KIF1C: variants seen among roughly 807,000 people sequenced by gnomAD.
KIF1C encodes the protein kinesin family member 1C.
KIF1C carries 61 observed loss-of-function variants against 126.5 expected under a neutral mutation model. The observed-to-expected ratio is 0.48, with a 90% CI of 0.39 to 0.60. The LOEUF (loss-of-function observed/expected upper bound fraction) is 0.60. Ranked by LOEUF, KIF1C falls within the 20% of genes least tolerant of loss-of-function variation. The pLI, the probability that KIF1C is intolerant of heterozygous loss-of-function variation, is 0.00. For synonymous variants in KIF1C, 640 were observed against 580.6 expected (o/e 1.10, Z -1.47); for missense variants, 1,315 against 1,489.2 (o/e 0.88, Z 1.93).
At chr17:5,012,918 G>A (rs754020538) in intron 16 of KIF1C, among the ~76,000 whole-genome samples, 4 of 152,112 alleles carry the variant, frequency 2.6e-5, no homozygotes, top group African/African-American at 2.4e-5. Context: ...ACAGAGCAGC[G>A]TAACAATCAC....
intron 18 of KIF1C, among the ~76,000 whole-genome samples, chr17:5,017,462 C>A (rs111681979): frequency 0.034 from 5,199 of 152,032 alleles, 297 homozygotes; most frequent in African/African-American, 0.12. Flanking sequence ...CACCACCACA[C>A]CCGGCTCATT....
At chr17:5,007,202 T>A in intron 14 of KIF1C, 61 bp from the exon 15 acceptor site, 9 of 1,552,810 alleles carry the variant, frequency 5.8e-6, no homozygotes, top group Non-Finnish European at 7.9e-6. Flanking sequence ...GGGTAGGTTG[T>A]CCCTACCCTG....
In KIF1C at chr17:5,004,029, C is replaced by A; in HGVS notation, c.896C>A (p.Pro299His). Residue 299 changes from proline (P) to histidine (H), a missense_variant, in exon 11 of 23, where the codon CCC (proline) becomes CAC (histidine). Around this residue, in one of 2 missense-constraint regions of KIF1C, gnomAD observed 874 missense variants for 1,053.2 expected, o/e 0.83. Coordinates refer to ENST00000320785, the MANE Select transcript of KIF1C (RefSeq NM_006612.6). Reference sequence around the variant, plus strand: ...AAGAAGCGAAAGTCGGATTTTATCCCCTACAGGGACTCTGTGCTCACCTGG... The same window carrying A: ...AAGAAGCGAAAGTCGGATTTTATCCACTACAGGGACTCTGTGCTCACCTGG... ...QSKKRKSDFIPYRDSVLTWLL... is the reference protein window; with the variant it reads ...QSKKRKSDFIHYRDSVLTWLL... 6.2e-7 allele frequency: 1 copy of A among 1,614,016 alleles called. No homozygotes were observed.
chr17:5,002,325 C>T (rs1430019001), intron 6 of KIF1C, 139 bp from the exon 7 acceptor site: 13 of 965,366 alleles, frequency 1.3e-5, no homozygotes, highest in East Asian at 4.8e-5. Flanking sequence ...TTGGGCAGGT[C>T]GCTGAGCTAG....
rs766946486 is a variant in KIF1C, at chr17:5,001,241, C to T, written c.203C>T (p.Ala68Val). 6.2e-7 allele frequency: 1 copy of T among 1,614,120 alleles called. No homozygotes were observed. The change falls in exon 5 of 23, where the codon GCA (alanine) becomes GTA (valine). Residue 68 changes from alanine (A) to valine (V), a missense_variant. Coordinates refer to ENST00000320785, the MANE Select transcript of KIF1C (RefSeq NM_006612.6). ...TCCTAGACGGAGGACCCCCAGTTTG[C>T]ATCTCAGCAGCAAGTGTATCGGGAC... ...SHTSTEDPQFASQQQVYRDIG... is the reference protein window; with the variant it reads ...SHTSTEDPQFVSQQQVYRDIG...
chr17:5,017,412 G>A (rs1365649285), intron 18 of KIF1C, among the ~76,000 whole-genome samples: 1 of 147,830 alleles, frequency 6.8e-6, no homozygotes, highest in East Asian at 2.0e-4. Context: ...CCATTCTCCT[G>A]CCTCAGTCTC....
intron 16 of KIF1C, among the ~76,000 whole-genome samples, chr17:5,010,789 C>T (rs758077639): frequency 2.0e-5 from 3 of 151,862 alleles, no homozygotes; most frequent in Non-Finnish European, 4.4e-5. Context: ...CCAAAGTGCC[C>T]TCTGAAGATT....
rs1014060938 is a variant in KIF1C, at chr17:5,020,913, G to A, written c.2010+35G>A. On this transcript the variant is annotated intron_variant, in intron 21 of 22. Transcript: ENST00000320785. This position sits in a 1 kb window ranked among gnomAD's most constrained non-coding sequence, Gnocchi z 5.8. ...AGCAGGGGCTGGGGATGGGCTGATGGGCAGATGAGCCGCAAGCCTGAGTCC... is the reference window on the plus strand; with the variant it reads ...AGCAGGGGCTGGGGATGGGCTGATGAGCAGATGAGCCGCAAGCCTGAGTCC... 13 of 1,540,890 alleles carry A rather than the reference G, an allele frequency of 8.4e-6. No homozygotes were observed. The highest frequency in any genetic ancestry group is 1.1e-5 in the Non-Finnish European group (13 of 1,135,314).
chr17:5,015,429 A>G (rs1974952365), intron 18 of KIF1C, among the ~76,000 whole-genome samples: 1 of 151,174 alleles, frequency 6.6e-6, no homozygotes, highest in African/African-American at 2.4e-5. Flanking sequence ...GATTACAAGC[A>G]TGTGCCACCA....
At position 5,027,649 on chromosome 17, in the gene KIF1C, A is replaced by G. The variant is rs1341769245; in HGVS notation, c.*3498A>G. The G allele has an allele frequency of 6.6e-6, 1 of 152,154 alleles. No individual in the cohort carries two copies. Among genetic ancestry groups the G allele is most frequent in the Non-Finnish European group, 1.5e-5 (1 of 68,054 alleles). The allele number at this position is 152,154 out of a possible 1,614,324, so 9.4% of individuals were successfully genotyped here. ...AGTTAGGATTCCAACCCAGGTCAAC[A>G]TAACTAAAGCCCAAACCCCATCTCA... On this transcript the variant is annotated 3_prime_UTR_variant, in exon 23 of 23. Transcript: ENST00000320785.
chr17:5,023,931 G>T lies in KIF1C; in HGVS notation c.3092G>T (p.Arg1031Met). The change falls in exon 23 of 23, where the codon AGG becomes ATG. Residue 1031 changes from arginine to methionine, a missense_variant. Around this residue, in one of 2 missense-constraint regions of KIF1C, gnomAD observed 441 missense variants for 436.1 expected, o/e 1.01. Transcript: ENST00000320785. The surrounding 1 kb of genome is among the most constrained non-coding windows in gnomAD (Gnocchi z 4.2). Reference protein sequence around the residue: ...PSPRRSHHPRRNSLDGGGRSR... With the variant: ...PSPRRSHHPRMNSLDGGGRSR... Reference sequence around the variant, plus strand: ...CCCCGAAGGTCCCACCATCCCCGCAGGAACTCCCTGGATGGAGGGGGCCGA... The same window carrying T: ...CCCCGAAGGTCCCACCATCCCCGCATGAACTCCCTGGATGGAGGGGGCCGA... 1 of 1,570,304 alleles carries T rather than the reference G, an allele frequency of 6.4e-7. No homozygotes were observed. Among genetic ancestry groups the T allele is most frequent in the South Asian group, 1.2e-5 (1 of 85,056 alleles).
Position 5,001,407 on chromosome 17 carries a change from C to CCTAGGA in KIF1C, c.363+8_363+13dup, listed in dbSNP as rs1428248601. On this transcript the variant is annotated splice_region_variant and intron_variant, in intron 5 of 22. Coordinates refer to ENST00000320785, the MANE Select transcript of KIF1C (RefSeq NM_006612.6). ...AGCAGGGCATCGTGCCCCAGGTACG[C>CCTAGGA]CTAGGACCTGGTGGGGCAGCCAGGG... 3.1e-6 allele frequency: 5 copies of CCTAGGA among 1,612,702 alleles called. No individual in the cohort carries two copies. In the Admixed American group the frequency reaches 5.0e-5, roughly 16 times the overall value.
At chr17:5,012,590 G>A (rs1336969379) in intron 16 of KIF1C, among the ~76,000 whole-genome samples, 1 of 152,120 alleles carries the variant, frequency 6.6e-6, no homozygotes, top group Admixed American at 6.5e-5. Context: ...TGGGGTTCCA[G>A]CTGGAGAGGT....
chr17:5,004,820 C>G, intron 12 of KIF1C, 35 bp from the exon 13 acceptor site: 1 of 1,613,898 alleles, frequency 6.2e-7, no homozygotes. Flanking sequence ...TCCCCTGCCC[C>G]CAGGCCTCAC....
At chr17:5,005,047 C>G (rs768033600) in intron 13 of KIF1C, 47 bp downstream of exon 13, 1 of 1,611,612 alleles carries the variant, frequency 6.2e-7, no homozygotes, top group South Asian at 1.1e-5. Context: ...CTTGGCCCAC[C>G]CCATCCCTCC....
rs1975205105 is a variant in KIF1C, at chr17:5,026,172, C to A, written c.*2021C>A. On this transcript the variant is annotated 3_prime_UTR_variant, in exon 23 of 23. Transcript: ENST00000320785. ...GCCTTTACTTTGACACCTCTGACTG[C>A]CAGGTTTTCACAGACCTGTTGACAG... is the stretch of plus-strand genomic sequence containing the variant. 1 of 152,198 alleles carries A rather than the reference C, an allele frequency of 6.6e-6. No individual in the cohort carries two copies. Among genetic ancestry groups the A allele is most frequent in the South Asian group, 2.1e-4 (1 of 4,824 alleles). 9.4% of individuals were successfully genotyped at this position (152,198 alleles called of 1,614,324 possible). A position where few individuals can be genotyped will look rare whatever the true frequency, so the allele number is the denominator to read the frequency against.
Position 5,020,110 on chromosome 17 carries a change from G to A in KIF1C, c.1750+31G>A. The stretch of plus-strand genomic sequence containing the variant: ...AGATGTGTCGCAGATTGAGGGTTCT[G>A]GGGCGTGGCTGTGTGTAGGAAGTCT... On this transcript the variant is annotated intron_variant, in intron 19 of 22. Transcript: ENST00000320785. This position sits in a 1 kb window ranked among gnomAD's most constrained non-coding sequence, Gnocchi z 5.8. 1 of 1,532,406 alleles carries A rather than the reference G, an allele frequency of 6.5e-7. No individual in the cohort carries two copies. Among genetic ancestry groups the A allele is most frequent in the Non-Finnish European group, 8.9e-7 (1 of 1,125,886 alleles). The allele number at this position is 1,532,406 out of a possible 1,614,324, so 94.9% of individuals were successfully genotyped here. A position where few individuals can be genotyped will look rare whatever the true frequency, so the allele number is the denominator to read the frequency against.
At position 5,007,252 on chromosome 17, in the gene KIF1C, T is replaced by TA; in HGVS notation, c.1336-10dup. 2 of 1,603,470 alleles carry TA rather than the reference T, an allele frequency of 1.2e-6. No homozygotes were observed. The highest frequency in any genetic ancestry group is 1.7e-6 in the Non-Finnish European group (2 of 1,174,914). On this transcript the variant is annotated splice_polypyrimidine_tract_variant and intron_variant, in intron 14 of 22. Coordinates refer to ENST00000320785, the MANE Select transcript of KIF1C (RefSeq NM_006612.6). Reference sequence around the variant, plus strand: ...AGACCATCCTGAAACCTACCCACCTTACGCCCCCAGGAGACAGAGAAGATT... The same window carrying TA: ...AGACCATCCTGAAACCTACCCACCTTAACGCCCCCAGGAGACAGAGAAGATT...
At position 5,022,982 on chromosome 17, in the gene KIF1C, C is replaced by T. The variant is rs1184236751; in HGVS notation, c.2628+273C>T. On this transcript the variant is annotated intron_variant, in intron 22 of 22. Coordinates refer to ENST00000320785, the MANE Select transcript of KIF1C (RefSeq NM_006612.6). The surrounding 1 kb of genome is among the most constrained non-coding windows in gnomAD (Gnocchi z 4.9). ...ATAAGCTCTGGGTGTTTCTGAAATACAGTGAAGTCTAAGACCCACTGATAT... is the reference window on the plus strand; with the variant it reads ...ATAAGCTCTGGGTGTTTCTGAAATATAGTGAAGTCTAAGACCCACTGATAT... Among the ~76,000 whole-genome samples, 2 of 152,288 alleles carry T rather than the reference C, an allele frequency of 1.3e-5. No homozygotes were observed. The highest frequency in any genetic ancestry group is 1.9e-4 in the East Asian group (1 of 5,182).
Sources: gnomAD v4.1 joint callset for allele counts (sites outside exome capture counted in the v4.1 genomes callset) on GRCh38, gnomAD v4.1.1 for gene constraint, gnomAD v4.1.1 regional missense constraint, Gnocchi (gnomAD v3.1) non-coding constraint, MANE v1.5 for transcripts, NCBI Gene and HGNC (gene_info 2026-07-23, HGNC 2026-07-21) for gene names.